Variants in PCDH9 observed in about 807,000 individuals in gnomAD.
The protein encoded by PCDH9 is protocadherin-9.
Under a neutral mutation model 70.6 loss-of-function variants are expected in PCDH9, and 24 were observed. The observed-to-expected ratio is 0.34, with a 90% CI of 0.25 to 0.48. The LOEUF is 0.48. PCDH9 is among the 20% of genes least tolerant of loss of function. PCDH9 has a pLI of 0.99. For synonymous variants in PCDH9, 562 were observed against 558.5 expected (o/e 1.01, Z -0.09); for missense variants, 1,281 against 1,503.6 (o/e 0.85, Z 2.45).
At chr13:66,554,203 TA>T (rs1006257299) in intron 4 of PCDH9, among the ~76,000 whole-genome samples, 6 of 151,890 alleles carry the variant, frequency 4.0e-5, no homozygotes, top group Non-Finnish European at 5.9e-5. Context: ...TCTAACCATC[TA>T]AAAAAAATCC....
At chr13:66,786,612 T>A (rs2080083697) in intron 3 of PCDH9, among the ~76,000 whole-genome samples, 1 of 152,170 alleles carries the variant, frequency 6.6e-6, no homozygotes, top group Admixed American at 6.6e-5. Flanking sequence ...AATTCAAGAT[T>A]TCTATTACTT....
At chr13:66,444,608 T>C (rs1419628998) in intron 4 of PCDH9, among the ~76,000 whole-genome samples, 1 of 152,198 alleles carries the variant, frequency 6.6e-6, no homozygotes, top group Non-Finnish European at 1.5e-5. Flanking sequence ...TCGCCCAGAC[T>C]GAAGTGCAGT....
chr13:66,734,725 A>G (rs1443747562), intron 3 of PCDH9, among the ~76,000 whole-genome samples: 4 of 152,240 alleles, frequency 2.6e-5, no homozygotes, highest in African/African-American at 7.2e-5. Context: ...AGCACTAACT[A>G]TAGGCTAGGT....
At chr13:66,374,693 C>T (rs1447602155) in intron 4 of PCDH9, among the ~76,000 whole-genome samples, 2 of 152,182 alleles carry the variant, frequency 1.3e-5, no homozygotes, top group East Asian at 3.9e-4. Context: ...CTCCATCAAA[C>T]TTCCACCTCC....
At chr13:66,684,427 T>C (rs2078371164) in intron 3 of PCDH9, among the ~76,000 whole-genome samples, 1 of 152,206 alleles carries the variant, frequency 6.6e-6, no homozygotes, top group Non-Finnish European at 1.5e-5. Context: ...GTAGTTCCCA[T>C]AATCCCCATG....
At chr13:66,520,669 A>G (rs545527243) in intron 4 of PCDH9, among the ~76,000 whole-genome samples, 5 of 152,294 alleles carry the variant, frequency 3.3e-5, no homozygotes, top group African/African-American at 4.8e-5. Context: ...TTAACTCTGG[A>G]CTTTATTTAT....
At chr13:67,173,575 C>G (rs2088359069) in intron 2 of PCDH9, among the ~76,000 whole-genome samples, 1 of 152,104 alleles carries the variant, frequency 6.6e-6, no homozygotes, top group South Asian at 2.1e-4. Flanking sequence ...AGATAAAAGT[C>G]TGGAATGGTG....
At chr13:66,629,450 C>T (rs1833337208) in intron 4 of PCDH9, among the ~76,000 whole-genome samples, 1 of 152,156 alleles carries the variant, frequency 6.6e-6, no homozygotes, top group South Asian at 2.1e-4. Flanking sequence ...GTGTGAATTC[C>T]ACCTACATAA....
At chr13:67,092,389 T>G (rs1313428160) in intron 2 of PCDH9, among the ~76,000 whole-genome samples, 1 of 123,028 alleles carries the variant, frequency 8.1e-6, no homozygotes, top group African/African-American at 2.9e-5. Context: ...CAATAACATG[T>G]TTTTTTTATT....
intron 2 of PCDH9, among the ~76,000 whole-genome samples, chr13:67,112,144 T>C (rs985613900): frequency 6.6e-6 from 1 of 152,226 alleles, no homozygotes; most frequent in Non-Finnish European, 1.5e-5. Context: ...CATGTGCTTC[T>C]GCTCAATACT....
At position 67,052,496 on chromosome 13, in the gene PCDH9, C is replaced by G. The variant is rs1002894004; in HGVS notation, c.3037-148891G>C. Among the ~76,000 whole-genome samples the G allele has an allele frequency of 2.0e-5, 3 of 151,758 alleles. No individual in the cohort carries two copies. The South Asian group carries it at 6.2e-4, about 31-fold the overall frequency. Reference sequence around the variant, plus strand: ...ATCTGAAGGCTAAGTGAAAAATCCACGGGAAGTTTTACTTGGAAGGATCCT... The same window carrying G: ...ATCTGAAGGCTAAGTGAAAAATCCAGGGGAAGTTTTACTTGGAAGGATCCT... On this transcript the variant is annotated intron_variant, in intron 2 of 4. Coordinates refer to ENST00000377865, the MANE Select transcript of PCDH9 (RefSeq NM_203487.3).
intron 3 of PCDH9, among the ~76,000 whole-genome samples, chr13:66,768,237 C>A (rs7988442): frequency 0.98 from 149,660 of 152,088 alleles, 73,662 homozygotes; most frequent in East Asian, 1. Flanking sequence ...AATAGTTGAT[C>A]AAATCAAAGG....
At chr13:66,507,858 A>C (rs1235928454) in intron 4 of PCDH9, among the ~76,000 whole-genome samples, 2 of 152,082 alleles carry the variant, frequency 1.3e-5, no homozygotes, top group African/African-American at 2.4e-5. Flanking sequence ...AGTAGCTGGG[A>C]CTACTGGTGT....
chr13:66,575,530 C>T (rs979884552), intron 4 of PCDH9, among the ~76,000 whole-genome samples: 9 of 152,128 alleles, frequency 5.9e-5, no homozygotes, highest in Admixed American at 5.2e-4. Flanking sequence ...CACCCCATGC[C>T]TACCACCTTC....
intron 2 of PCDH9, among the ~76,000 whole-genome samples, chr13:67,126,098 T>C (rs1369214300): frequency 6.6e-6 from 1 of 152,136 alleles, no homozygotes; most frequent in African/African-American, 2.4e-5. Context: ...ACATCATATA[T>C]TTGGTAAGTA....
chr13:66,858,242 A>G (rs1252184094), intron 3 of PCDH9, among the ~76,000 whole-genome samples: 1 of 152,156 alleles, frequency 6.6e-6, no homozygotes, highest in Non-Finnish European at 1.5e-5. Context: ...CATAAACCTG[A>G]TAAAAACAAT....
At chr13:66,631,617 T>A (rs1017294433) in intron 3 of PCDH9, among the ~76,000 whole-genome samples, 5 of 152,150 alleles carry the variant, frequency 3.3e-5, no homozygotes, top group African/African-American at 1.2e-4. Flanking sequence ...AGAATTTCAA[T>A]CTTGTATAAT....
rs568464662 is a variant in PCDH9, at chr13:66,872,948, T to C, written c.3138+30556A>G. Among the ~76,000 whole-genome samples the C allele has an allele frequency of 2.0e-5, 3 of 152,286 alleles. No individual in the cohort carries two copies. The East Asian group carries it at 5.8e-4, about 29-fold the overall frequency. ...TTAAATATAGAGATGGCCCACACCATTTATCTATGAATGATGATAGGAAGA... is the reference window on the plus strand; with the variant it reads ...TTAAATATAGAGATGGCCCACACCACTTATCTATGAATGATGATAGGAAGA... On this transcript the variant is annotated intron_variant, in intron 3 of 4. Coordinates refer to ENST00000377865, the MANE Select transcript of PCDH9 (RefSeq NM_203487.3).
At chr13:66,705,864 T>C (rs978716662) in intron 3 of PCDH9, among the ~76,000 whole-genome samples, 1 of 152,220 alleles carries the variant, frequency 6.6e-6, no homozygotes, top group Non-Finnish European at 1.5e-5. Context: ...GTATCATAAA[T>C]ATATTCAATT....
Sources: allele counts gnomAD v4.1 joint callset (sites outside exome capture counted in the v4.1 genomes callset), GRCh38; gene constraint gnomAD v4.1.1; transcripts MANE v1.5; gene names NCBI Gene and HGNC (gene_info 2026-07-23, HGNC 2026-07-21).